Variants in TAFA1 observed in about 807,000 individuals in gnomAD.
The protein encoded by TAFA1 is chemokine-like protein TAFA-1.
Under a neutral mutation model 18.5 loss-of-function variants are expected in TAFA1, and 4 were observed. The ratio of observed to expected loss-of-function variants is 0.22; its 90% CI spans 0.11 to 0.49. The LOEUF is 0.49. TAFA1 is among the 20% of genes least tolerant of loss of function. The pLI, the probability that TAFA1 is intolerant of heterozygous loss-of-function variation, is 0.98. For synonymous variants in TAFA1, 56 were observed against 55.2 expected (o/e 1.01, Z -0.06); for missense variants, 147 against 169.0 (o/e 0.87, Z 0.72).
At chr3:67,997,462 A>C in the TAFA1 span, among the ~76,000 whole-genome samples, 1 of 152,206 alleles carries the variant, frequency 6.6e-6, no homozygotes, top group South Asian at 2.1e-4. Context: ...ACTACATTAA[A>C]AAATAAATAA....
intron 2 of TAFA1, among the ~76,000 whole-genome samples, chr3:68,023,676 T>C (rs1422761580): frequency 2.0e-5 from 3 of 152,138 alleles, no homozygotes; most frequent in Non-Finnish European, 4.4e-5. Context: ...AAATATCCAA[T>C]GTTGTATCAG....
chr3:68,397,500 C>T (rs1321422629), intron 2 of TAFA1, among the ~76,000 whole-genome samples: 1 of 152,108 alleles, frequency 6.6e-6, no homozygotes, highest in African/African-American at 2.4e-5. Flanking sequence ...CTCATTCTTT[C>T]TTTTACGGCT....
intron 2 of TAFA1, among the ~76,000 whole-genome samples, chr3:68,416,307 A>G (rs1198150848): frequency 6.6e-6 from 1 of 152,106 alleles, no homozygotes; most frequent in African/African-American, 2.4e-5. Flanking sequence ...TGTACAGGAG[A>G]TGTATTCTCA....
At chr3:68,386,205 T>G (rs565800527) in intron 2 of TAFA1, among the ~76,000 whole-genome samples, 1 of 152,270 alleles carries the variant, frequency 6.6e-6, no homozygotes, top group South Asian at 2.1e-4. Flanking sequence ...TCCTTATTTT[T>G]TATATGAGGA....
intron 2 of TAFA1, among the ~76,000 whole-genome samples, chr3:68,324,373 A>G (rs905513228): frequency 3.3e-5 from 5 of 152,182 alleles, no homozygotes; most frequent in African/African-American, 7.2e-5. Flanking sequence ...AATACAAAAT[A>G]TGTTTGAAAA....
Position 68,280,055 on chromosome 3 carries a change from C to A in TAFA1, c.119-137225C>A, listed in dbSNP as rs145232837. ...CATTTCTATACAGAATGTAAAAATT[C>A]TAATAAAGCTAATAGTGTAGGTCAT... On this transcript the variant is annotated intron_variant, in intron 2 of 4. Coordinates refer to ENST00000478136, the MANE Select transcript of TAFA1 (RefSeq NM_213609.4). Among the ~76,000 whole-genome samples the A allele has an allele frequency of 1.4e-3, 208 of 152,216 alleles. 2 individuals carry two copies. The highest frequency in any genetic ancestry group is 4.8e-3 in the African/African-American group (199 of 41,532).
chr3:67,999,270 C>CT (rs1704256796), upstream of TAFA1, among the ~76,000 whole-genome samples: 3 of 7,036 alleles, frequency 4.3e-4, no homozygotes, highest in Non-Finnish European at 8.9e-4. Flanking sequence ...CTCTCTATCC[C>CT]CCCCCCCCCC....
chr3:68,245,688 G>T (rs919557154), intron 2 of TAFA1, among the ~76,000 whole-genome samples: 1 of 152,196 alleles, frequency 6.6e-6, no homozygotes, highest in African/African-American at 2.4e-5. Context: ...ATCAGAAGAT[G>T]AATTGCCTTG....
At chr3:68,482,242 C>T (rs963301926) in intron 3 of TAFA1, among the ~76,000 whole-genome samples, 1 of 152,148 alleles carries the variant, frequency 6.6e-6, no homozygotes, top group African/African-American at 2.4e-5. Context: ...GATCTGACCT[C>T]GTGATCCGCC....
chr3:68,485,184 C>T (rs910557767), intron 3 of TAFA1, among the ~76,000 whole-genome samples: 32 of 152,278 alleles, frequency 2.1e-4, no homozygotes, highest in African/African-American at 7.7e-4. Context: ...CTACAGGCTA[C>T]AAAATCTCTC....
intron 2 of TAFA1, among the ~76,000 whole-genome samples, chr3:68,387,043 C>G (rs1409504469): frequency 6.6e-6 from 1 of 151,854 alleles, no homozygotes; most frequent in African/African-American, 2.4e-5. Flanking sequence ...AATCCATACA[C>G]TCTGTGCCTA....
At chr3:68,381,506 G>T (rs368421528) in intron 2 of TAFA1, among the ~76,000 whole-genome samples, 2 of 152,006 alleles carry the variant, frequency 1.3e-5, no homozygotes, top group Admixed American at 6.6e-5. Flanking sequence ...AGTTGGATTC[G>T]CAGGTATTTT....
At chr3:68,435,195 G>A (rs1186751195) in intron 3 of TAFA1, among the ~76,000 whole-genome samples, 6 of 152,070 alleles carry the variant, frequency 3.9e-5, no homozygotes, top group Admixed American at 6.6e-5. Context: ...GGATGGGATC[G>A]AATGTCCATG....
intron 2 of TAFA1, among the ~76,000 whole-genome samples, chr3:68,392,041 C>A (rs1259703578): frequency 2.6e-5 from 4 of 151,572 alleles, no homozygotes; most frequent in African/African-American, 7.3e-5. Flanking sequence ...GGTTAAATGC[C>A]CCAATTAAAA....
At chr3:68,411,542 T>G (rs2070717870) in intron 2 of TAFA1, among the ~76,000 whole-genome samples, 1 of 152,202 alleles carries the variant, frequency 6.6e-6, no homozygotes, top group South Asian at 2.1e-4. Flanking sequence ...TAATAATGTG[T>G]CAATCAAATA....
At chr3:68,036,487 G>C (rs558107338) in intron 2 of TAFA1, among the ~76,000 whole-genome samples, 1 of 148,646 alleles carries the variant, frequency 6.7e-6, no homozygotes, top group African/African-American at 2.5e-5. Flanking sequence ...TTTTAAAATA[G>C]TGAATAAAAT....
chr3:68,232,267 T>C (rs1406325324), intron 2 of TAFA1, among the ~76,000 whole-genome samples: 2 of 152,172 alleles, frequency 1.3e-5, no homozygotes, highest in East Asian at 3.9e-4. Flanking sequence ...CTCTCTACTT[T>C]TATATGCTCA....
intron 2 of TAFA1, among the ~76,000 whole-genome samples, chr3:68,179,885 A>G (rs2066173739): frequency 6.6e-6 from 1 of 151,964 alleles, no homozygotes; most frequent in Non-Finnish European, 1.5e-5. Flanking sequence ...GACCCCATTT[A>G]TTTGTATGTA....
chr3:68,358,398 A>AT (rs2069404052), intron 2 of TAFA1, among the ~76,000 whole-genome samples: 2 of 151,936 alleles, frequency 1.3e-5, no homozygotes, highest in African/African-American at 4.8e-5. Flanking sequence ...TAACATTTCA[A>AT]CAAATCTGAG....
Sources: allele counts gnomAD v4.1 joint callset (sites outside exome capture counted in the v4.1 genomes callset), GRCh38; gene constraint gnomAD v4.1.1; transcripts MANE v1.5; gene names NCBI Gene and HGNC (gene_info 2026-07-23, HGNC 2026-07-21).